Variants in ZFR observed in about 807,000 individuals in gnomAD.
The protein encoded by ZFR is zinc finger RNA binding protein.
ZFR carries 19 observed loss-of-function variants against 130.7 expected under a neutral mutation model. The ratio of observed to expected loss-of-function variants is 0.15; its 90% CI spans 0.10 to 0.21. ZFR has a LOEUF of 0.21. ZFR is among the 10% of genes least tolerant of loss of function. The pLI is 1.00. For missense variants in ZFR, 872 were observed against 1,321.5 expected, an observed-to-expected ratio of 0.66 and a Z score of 5.27; for synonymous variants, 466 against 456.9, an observed-to-expected ratio of 1.02 and a Z score of -0.25.
chr5:32,397,986 T>C (rs1753357893), intron 9 of ZFR, among the ~76,000 whole-genome samples: 2 of 149,658 alleles, frequency 1.3e-5, no homozygotes, highest in African/African-American at 4.9e-5. Flanking sequence ...GCCTTCCGAG[T>C]AGCTGGGACT....
chr5:32,389,294 GA>G (rs1753108555), intron 12 of ZFR, among the ~76,000 whole-genome samples: 1 of 151,964 alleles, frequency 6.6e-6, no homozygotes, highest in Non-Finnish European at 1.5e-5. Flanking sequence ...CTGGAAGAAG[GA>G]AAAAAGATTC....
intron 2 of ZFR, among the ~76,000 whole-genome samples, chr5:32,429,159 T>G (rs1470838059): frequency 6.6e-6 from 1 of 151,996 alleles, no homozygotes; most frequent in African/African-American, 2.4e-5. Context: ...CTAATTTTTT[T>G]GTGTTTTTAG....
intron 2 of ZFR, among the ~76,000 whole-genome samples, chr5:32,422,708 G>C (rs994224043): frequency 1.4e-5 from 2 of 147,344 alleles, no homozygotes; most frequent in African/African-American, 5.0e-5. Context: ...GCTGAGGTGG[G>C]AGGATCGCTT....
At chr5:32,362,221 A>C (rs192948917) in intron 19 of ZFR, among the ~76,000 whole-genome samples, 36 of 152,258 alleles carry the variant, frequency 2.4e-4, no homozygotes, top group Admixed American at 2.0e-4. Flanking sequence ...TAACCCTATA[A>C]ATTTTGCCTG....
At chr5:32,379,680 A>G (rs942758698) in intron 16 of ZFR, 5 of 189,706 alleles carry the variant, frequency 2.6e-5, no homozygotes, top group Non-Finnish European at 3.3e-5. Context: ...TTAGAGAAAG[A>G]GGGGGAAAAA....
intron 10 of ZFR, among the ~76,000 whole-genome samples, 155 bp from the exon 11 acceptor site, chr5:32,395,459 A>C (rs555445619): frequency 6.6e-6 from 1 of 152,250 alleles, no homozygotes; most frequent in Non-Finnish European, 1.5e-5. Flanking sequence ...GGTAAATCAG[A>C]GAAAAGATTC....
chr5:32,425,829 T>G (rs1004928521), intron 2 of ZFR, among the ~76,000 whole-genome samples: 3 of 152,224 alleles, frequency 2.0e-5, no homozygotes, highest in Admixed American at 2.0e-4. Context: ...CCCAGCCTAA[T>G]TCTAATATAG....
At chr5:32,371,992 C>A (rs10077905) in intron 17 of ZFR, among the ~76,000 whole-genome samples, 3,946 of 152,172 alleles carry the variant, frequency 0.026, 183 homozygotes, top group African/African-American at 0.091. Flanking sequence ...TGGAGCAAAT[C>A]CTGCAAAGAC....
intron 19 of ZFR, among the ~76,000 whole-genome samples, chr5:32,361,309 A>C (rs1051528972): frequency 6.6e-6 from 1 of 152,230 alleles, no homozygotes; most frequent in East Asian, 1.9e-4. Context: ...AAAGTCTCAA[A>C]GTCATCTGTA....
chr5:32,373,061 A>C (rs978656801), intron 17 of ZFR, among the ~76,000 whole-genome samples: 4 of 152,192 alleles, frequency 2.6e-5, no homozygotes, highest in Non-Finnish European at 5.9e-5. Context: ...ATTATTATTT[A>C]CCAAAACAAA....
At chr5:32,396,143 C>T (rs1395268345) in intron 10 of ZFR, among the ~76,000 whole-genome samples, 2 of 150,002 alleles carry the variant, frequency 1.3e-5, no homozygotes, top group African/African-American at 2.5e-5. Flanking sequence ...CACTGGAGCC[C>T]GGGAGGTTGC....
At chr5:32,382,347 A>C (rs545636090) in intron 15 of ZFR, among the ~76,000 whole-genome samples, 4 of 152,174 alleles carry the variant, frequency 2.6e-5, no homozygotes, top group Admixed American at 6.5e-5. Context: ...CACACACACA[A>C]AAAAGAAAAA....
intron 17 of ZFR, among the ~76,000 whole-genome samples, chr5:32,376,586 C>T (rs1432628079): frequency 2.7e-5 from 4 of 149,326 alleles, no homozygotes; most frequent in East Asian, 2.0e-4. Context: ...CCAGCCTGGG[C>T]GACAGAGCGA....
chr5:32,413,756 G>A (rs1168660759), intron 5 of ZFR, among the ~76,000 whole-genome samples: 1 of 152,180 alleles, frequency 6.6e-6, no homozygotes, highest in South Asian at 2.1e-4. Context: ...GGGAGAGACA[G>A]TAAAGTCCTA....
chr5:32,420,630 G>A (rs1753933618), intron 2 of ZFR, among the ~76,000 whole-genome samples: 1 of 152,156 alleles, frequency 6.6e-6, no homozygotes, highest in African/African-American at 2.4e-5. Context: ...ATTCAACTGG[G>A]GGAATTTTTC....
chr5:32,429,979 A>C (rs1754165966), intron 2 of ZFR, among the ~76,000 whole-genome samples: 2 of 149,942 alleles, frequency 1.3e-5, no homozygotes, highest in Admixed American at 1.3e-4. Flanking sequence ...GACTGCTTGA[A>C]CCCAGGAGGT....
intron 2 of ZFR, among the ~76,000 whole-genome samples, chr5:32,440,569 C>G (rs1404767100): frequency 2.6e-5 from 4 of 151,970 alleles, no homozygotes; most frequent in Non-Finnish European, 5.9e-5. Context: ...ATCACTTGAA[C>G]CCGAGAGGCA....
intron 2 of ZFR, among the ~76,000 whole-genome samples, chr5:32,432,843 C>G (rs1754253821): frequency 6.6e-6 from 1 of 151,976 alleles, no homozygotes; most frequent in African/African-American, 2.4e-5. Flanking sequence ...ATCCTCCTAC[C>G]TCAGTCTTCT....
At chr5:32,410,130 C>A (rs1753665836) in intron 5 of ZFR, among the ~76,000 whole-genome samples, 1 of 151,724 alleles carries the variant, frequency 6.6e-6, no homozygotes, top group African/African-American at 2.4e-5. Context: ...TGTGGTGAAA[C>A]CCCATCTCAA....
Sources: allele counts gnomAD v4.1 joint callset (sites outside exome capture counted in the v4.1 genomes callset), GRCh38; gene constraint gnomAD v4.1.1; transcripts MANE v1.5; gene names NCBI Gene and HGNC (gene_info 2026-07-23, HGNC 2026-07-21).